FAM83E: variants seen among roughly 807,000 people sequenced by gnomAD.
The protein encoded by FAM83E is protein FAM83E.
Under a neutral mutation model 34.3 loss-of-function variants are expected in FAM83E, and 29 were observed. The observed-to-expected ratio is 0.85, with a 90% CI of 0.63 to 1.15. The LOEUF (loss-of-function observed/expected upper bound fraction) is 1.15, where lower values mean the gene tolerates loss of function less well. Among genes scored for constraint, FAM83E ranks in the 50% most tolerant of loss-of-function variants. FAM83E has a pLI of 0.00. For synonymous variants in FAM83E, 312 were observed against 311.6 expected, an observed-to-expected ratio of 1.00 and a Z score of -0.01; for missense variants, 697 against 685.0, an observed-to-expected ratio of 1.02 and a Z score of -0.20.
chr19:48,601,660 G>A (rs1489055672), intron 6 of FAM83E, among the ~76,000 whole-genome samples: 1 of 151,960 alleles, frequency 6.6e-6, no homozygotes, highest in Non-Finnish European at 1.5e-5. Context: ...AGCTACTCGG[G>A]AGGCTGAGGC....
intron 5 of FAM83E, chr19:48,607,155 G>A (rs759931953): frequency 1.3e-5 from 21 of 1,612,798 alleles, no homozygotes; most frequent in South Asian, 4.4e-5. Flanking sequence ...GCACTGGTCC[G>A]GTCATCAACA....
chr19:48,602,615 G>A (rs1257827920), intron 6 of FAM83E, among the ~76,000 whole-genome samples: 4 of 143,528 alleles, frequency 2.8e-5, no homozygotes, highest in African/African-American at 7.9e-5. Flanking sequence ...CTCCAGCTAG[G>A]AGCCTTCCTT....
Position 48,607,048 on chromosome 19 carries a change from G to A in FAM83E, c.758+2828C>T, listed in dbSNP as rs199748130. 35 of 1,612,724 alleles carry A rather than the reference G, an allele frequency of 2.2e-5. No individual in the cohort carries two copies. Among genetic ancestry groups the A allele is most frequent in the Admixed American group, 2.2e-4 (13 of 60,030 alleles). On this transcript the variant is annotated intron_variant, in intron 5 of 6. Transcript: ENST00000263266. ...AGGCACGACGGGCGTCAAGGACTGC[G>A]TCTTCTGTGAGCTCACCGACTCCAT...
intron 6 of FAM83E, among the ~76,000 whole-genome samples, chr19:48,601,689 C>G (rs538976688): frequency 1.3e-5 from 2 of 151,436 alleles, no homozygotes; most frequent in Non-Finnish European, 2.9e-5. Flanking sequence ...CGCTTGAACC[C>G]GGAAGGGAGA....
Position 48,603,525 on chromosome 19 carries a change from T to C in FAM83E, c.1145A>G (p.Gln382Arg). The stretch of plus-strand genomic sequence containing the variant: ...GTCCCCATCACTGGAGCCAGACAGC[T>C]GGGACAGGCGGCTTAGGTCCCACAT... ...RSMWDLSRLS[Q>R]LSGSSDGDNE... Residue 382 changes from glutamine to arginine, a missense_variant, in exon 6 of 7, where the codon CAG becomes CGG. Coordinates refer to ENST00000263266, the MANE Select transcript of FAM83E (RefSeq NM_017708.4). The C allele has an allele frequency of 2.5e-6, 4 of 1,568,916 alleles. No homozygotes were observed. Among genetic ancestry groups the C allele is most frequent in the South Asian group, 2.2e-5 (2 of 89,254 alleles).
Position 48,607,291 on chromosome 19 carries a change from G to A in FAM83E, c.758+2585C>T, listed in dbSNP as rs1224714030. 8.8e-6 allele frequency: 14 copies of A among 1,599,256 alleles called. No homozygotes were observed. Among genetic ancestry groups the A allele is most frequent in the Non-Finnish European group, 1.1e-5 (13 of 1,172,944 alleles). On this transcript the variant is annotated intron_variant, in intron 5 of 6. Transcript: ENST00000263266. ...TAACAGAGCCCCGAGCAGCCAGACA[G>A]TGGGGGCCACCACCAGCCTGGCACT...
chr19:48,606,883 GC>G lies in FAM83E; in HGVS notation c.759-2973del, dbSNP rs1449306686. ...CAGGACCAGGGCCAAAGTCCCGTGG[GC>G]AAGAGGAGTCCTCAGAGGTCCTTCA... On this transcript the variant is annotated intron_variant, in intron 5 of 6. Transcript: ENST00000263266. 1.2e-5 allele frequency: 17 copies of G among 1,457,364 alleles called. No individual in the cohort carries two copies. In the South Asian group the frequency reaches 2.3e-4, roughly 19 times the overall value. 90.3% of individuals were successfully genotyped at this position (1,457,364 alleles called of 1,614,324 possible). A position where few individuals can be genotyped will look rare whatever the true frequency, so the allele number is the denominator to read the frequency against.
rs2147635690 is a variant in FAM83E, at chr19:48,600,092, A to G, written c.*1017T>C. The stretch of plus-strand genomic sequence containing the variant: ...TGGCTGTACCACATTCCACTCCCTC[A>G]GTATTCAGCTCCTTGCCTCAGTTTC... On this transcript the variant is annotated 3_prime_UTR_variant, in exon 7 of 7. Transcript: ENST00000263266. Among the ~76,000 whole-genome samples the G allele has an allele frequency of 6.6e-6, 1 of 152,282 alleles. No homozygotes were observed. The highest frequency in any genetic ancestry group is 2.1e-4 in the South Asian group (1 of 4,828).
chr19:48,614,864 T>A, intron 1 of FAM83E, 25 bp from the exon 2 acceptor site: 1 of 929,556 alleles, frequency 1.1e-6, no homozygotes, highest in Non-Finnish European at 1.3e-6. Context: ...GCCCGGCCCC[T>A]TGTGTAAACA....
In FAM83E at chr19:48,614,504, T is replaced by C; in HGVS notation, c.-1132A>G. On this transcript the variant is annotated 5_prime_UTR_variant, in exon 3 of 7. Transcript: ENST00000263266. Reference sequence around the variant, plus strand: ...GCCCTGTCTCCCTCCCAAGCCTCAGTTATCCCCTTGAGGCTCCTGACCCAA... The same window carrying C: ...GCCCTGTCTCCCTCCCAAGCCTCAGCTATCCCCTTGAGGCTCCTGACCCAA... 1 of 985,534 alleles carries C rather than the reference T, an allele frequency of 1.0e-6. No individual in the cohort carries two copies. The highest frequency in any genetic ancestry group is 1.2e-6 in the Non-Finnish European group (1 of 830,064). 61.0% of individuals were successfully genotyped at this position (985,534 alleles called of 1,614,324 possible).
At chr19:48,605,826 C>T (rs1182445626) in intron 5 of FAM83E, among the ~76,000 whole-genome samples, 1 of 151,662 alleles carries the variant, frequency 6.6e-6, no homozygotes, top group East Asian at 2.0e-4. Context: ...GCTGGGATTA[C>T]AGGCGTGAGC....
rs1042398127 is a variant in FAM83E, at chr19:48,614,075, G to A, written c.-703C>T. 2.0e-6 allele frequency: 2 copies of A among 985,520 alleles called. No individual in the cohort carries two copies. The highest frequency in any genetic ancestry group is 1.1e-4 in the East Asian group (1 of 8,836). The allele number at this position is 985,520 out of a possible 1,614,324, so 61.0% of individuals were successfully genotyped here. A position where few individuals can be genotyped will look rare whatever the true frequency, so the allele number is the denominator to read the frequency against. ...TCCTGCTCATCAGCTCTCACCCGCA[G>A]ACCAGCCAGGATGCCTCTCCACTGG... On this transcript the variant is annotated 5_prime_UTR_variant, in exon 3 of 7. Transcript: ENST00000263266.
Position 48,608,505 on chromosome 19 carries a change from C to T in FAM83E, c.758+1371G>A, listed in dbSNP as rs865893331. Reference sequence around the variant, plus strand: ...GGTCACCCAGGCTTTAGTGCAGTGGCGCGATCTTGGCTCACTGCAACCTCC... The same window carrying T: ...GGTCACCCAGGCTTTAGTGCAGTGGTGCGATCTTGGCTCACTGCAACCTCC... On this transcript the variant is annotated intron_variant, in intron 5 of 6. Transcript: ENST00000263266. Among the ~76,000 whole-genome samples the T allele has an allele frequency of 1.3e-3, 186 of 144,756 alleles. No individual in the cohort carries two copies. In the Middle Eastern group the frequency reaches 0.019, roughly 15 times the overall value. The allele number at this position is 144,756 out of a possible 152,430, so 95.0% of individuals were successfully genotyped here. A position where few individuals can be genotyped will look rare whatever the true frequency, so the allele number is the denominator to read the frequency against.
chr19:48,601,500 C>T (rs1973815121), intron 6 of FAM83E, 131 bp from the exon 7 acceptor site: 1 of 1,450,816 alleles, frequency 6.9e-7, no homozygotes, highest in East Asian at 2.5e-5. Context: ...CACGGTGGCT[C>T]ACGCCTGTAA....
At position 48,614,436 on chromosome 19, in the gene FAM83E, C is replaced by T. The variant is rs1974107346; in HGVS notation, c.-1064G>A. The T allele has an allele frequency of 2.0e-6, 2 of 985,606 alleles. No individual in the cohort carries two copies. The highest frequency in any genetic ancestry group is 2.4e-6 in the Non-Finnish European group (2 of 830,204). 61.1% of individuals were successfully genotyped at this position (985,606 alleles called of 1,614,324 possible). ...CTGCCTAAATGCTATCTCCTGCCAG[C>T]TACCCGGACGCTTCTTCCCGGACAG... On this transcript the variant is annotated 5_prime_UTR_variant, in exon 3 of 7. Transcript: ENST00000263266.
At chr19:48,610,915 G>A (rs1974030474) in intron 3 of FAM83E, 68 bp from the exon 4 acceptor site, 1 of 1,482,616 alleles carries the variant, frequency 6.7e-7, no homozygotes, top group South Asian at 1.3e-5. Flanking sequence ...CAGAGGGTGT[G>A]GGAAACCTGA....
At chr19:48,606,937 C>T (rs1317152241) in intron 5 of FAM83E, 1 of 1,588,194 alleles carries the variant, frequency 6.3e-7, no homozygotes, top group Non-Finnish European at 8.5e-7. Context: ...GTCTGGGAAG[C>T]CCACGGCCTG....
Position 48,600,976 on chromosome 19 carries a change from C to T in FAM83E, c.*133G>A. ...CCCAAGTTGCAGAACAAGTGACAAA[C>T]ATCCCTTCTGCTTGACAGACGCCGA... On this transcript the variant is annotated 3_prime_UTR_variant, in exon 7 of 7. Transcript: ENST00000263266. The T allele has an allele frequency of 2.0e-6, 3 of 1,467,752 alleles. No homozygotes were observed. The highest frequency in any genetic ancestry group is 4.9e-5 in the East Asian group (2 of 40,718). The allele number at this position is 1,467,752 out of a possible 1,614,324, so 90.9% of individuals were successfully genotyped here. A position where few individuals can be genotyped will look rare whatever the true frequency, so the allele number is the denominator to read the frequency against.
In FAM83E at chr19:48,613,215, T is replaced by A. The variant is rs1337931677; in HGVS notation, c.158A>T (p.Glu53Val). 18 of 1,611,124 alleles carry A rather than the reference T, an allele frequency of 1.1e-5. No individual in the cohort carries two copies. The highest frequency in any genetic ancestry group is 1.4e-5 in the Non-Finnish European group (16 of 1,179,918). ...AEAFQTCVQREELWPFLSADE... is the reference protein window; with the variant it reads ...AEAFQTCVQRVELWPFLSADE... ...CGCACTGAGGAAGGGCCACAGCTCC[T>A]CGCGCTGCACGCAGGTCTGGAACGC... The change falls in exon 3 of 7, where the codon GAG becomes GTG. Residue 53 changes from glutamate (E) to valine (V), a missense_variant. Physicochemically the swap from Glu to Val is moderately radical, Grantham distance 121. Coordinates refer to ENST00000263266, the MANE Select transcript of FAM83E (RefSeq NM_017708.4).
Sources: allele counts gnomAD v4.1 joint callset (sites outside exome capture counted in the v4.1 genomes callset), GRCh38; gene constraint gnomAD v4.1.1; transcripts MANE v1.5; gene names NCBI Gene and HGNC (gene_info 2026-07-23, HGNC 2026-07-21).